The following ADGRL2 variants were observed in gnomAD, a reference collection of about 807,000 sequenced individuals.
ADGRL2 encodes the protein calcium-independent alpha-latrotoxin receptor 2.
ADGRL2 carries 44 observed loss-of-function variants against 157.4 expected under a neutral mutation model. That is an observed-to-expected ratio of 0.28 (90% CI 0.22 to 0.36). The LOEUF is 0.36. Among genes scored for constraint, ADGRL2 ranks in the 10% least tolerant of loss-of-function variants. The pLI, the probability that ADGRL2 is intolerant of heterozygous loss-of-function variation, is 1.00. For missense variants in ADGRL2, 1,510 were observed against 1,768.9 expected, an observed-to-expected ratio of 0.85 and a Z score of 2.63; for synonymous variants, 585 against 624.7, an observed-to-expected ratio of 0.94 and a Z score of 0.95.
chr1:81,798,693 CAAAGAA>C (rs1478016965), upstream of ADGRL2, among the ~76,000 whole-genome samples: 1 of 152,082 alleles, frequency 6.6e-6, no homozygotes, highest in Non-Finnish European at 1.5e-5. Flanking sequence ...TCCTGAGCAT[CAAAGAA>C]TGTCAAATAT....
In ADGRL2 at chr1:81,787,582, G is replaced by A. The variant is rs1391393888; in HGVS notation, c.-101+25730G>A. On this transcript the variant is annotated intron_variant, in intron 2 of 20. Coordinates refer to the ADGRL2 transcript ENST00000359929. ...AGGCAGGAGAATTGCTTGAACCTGGGAGGCGGAGGTTGCAGTGAGCTGGGG... is the reference window on the plus strand; with the variant it reads ...AGGCAGGAGAATTGCTTGAACCTGGAAGGCGGAGGTTGCAGTGAGCTGGGG... Among the ~76,000 whole-genome samples the A allele has an allele frequency of 2.0e-5, 3 of 152,158 alleles. No individual in the cohort carries two copies. In the East Asian group the frequency reaches 5.8e-4, roughly 29 times the overall value.
At chr1:81,987,609 T>C (rs2149509809) in intron 22 of ADGRL2, among the ~76,000 whole-genome samples, 1 of 151,798 alleles carries the variant, frequency 6.6e-6, no homozygotes, top group South Asian at 2.1e-4. Flanking sequence ...CACTAACCCA[T>C]CCATATATTA....
chr1:81,717,267 G>A (rs997183361), intron 1 of ADGRL2, among the ~76,000 whole-genome samples: 2 of 152,102 alleles, frequency 1.3e-5, no homozygotes, highest in African/African-American at 2.4e-5. Flanking sequence ...ATGATTCTCC[G>A]GGTAAGTCCA....
intron 3 of ADGRL2, among the ~76,000 whole-genome samples, chr1:81,616,654 TTTTTCTTTTC>T (rs374350208): frequency 9.6e-5 from 10 of 104,698 alleles, no homozygotes; most frequent in South Asian, 6.6e-4. Context: ...GGGTTTTTTT[TTTTTCTTTTC>T]TTTTCTTTTC....
chr1:81,966,424 A>G lies in ADGRL2; in HGVS notation c.2164A>G (p.Ile722Val), dbSNP rs1009296035. The change falls in exon 13 of 24, where the codon ATC becomes GTC. Residue 722 changes from isoleucine to valine, a missense_variant. This residue lies in a region of ADGRL2 where 497 missense variants were observed against 627.2 expected (regional missense o/e 0.79). Transcript: ENST00000686636. ...SRNGLAKLVF[I>V]IYRSLGQFLS... Reference sequence around the variant, plus strand: ...CCTAGGGCTTGCAAAGTTGGTGTTCATCATTTACCGGAGCCTGGGACAGTT... The same window carrying G: ...CCTAGGGCTTGCAAAGTTGGTGTTCGTCATTTACCGGAGCCTGGGACAGTT... 3.7e-6 allele frequency: 6 copies of G among 1,613,978 alleles called. No individual in the cohort carries two copies. In the South Asian group the frequency reaches 4.4e-5, roughly 12 times the overall value.
intron 1 of ADGRL2, among the ~76,000 whole-genome samples, chr1:81,421,196 A>G (rs2077118083): frequency 6.6e-6 from 1 of 152,228 alleles, no homozygotes; most frequent in African/African-American, 2.4e-5. Flanking sequence ...GAAGAAGAAG[A>G]AAAACAACTG....
intron 10 of ADGRL2, among the ~76,000 whole-genome samples, chr1:81,955,576 C>T (rs1653238688): frequency 6.6e-6 from 1 of 152,120 alleles, no homozygotes; most frequent in Non-Finnish European, 1.5e-5. Context: ...TAAGAGCTGA[C>T]ACAGGTGGTT....
intron 1 of ADGRL2, among the ~76,000 whole-genome samples, chr1:81,820,104 CTTTGTATCATGTTAA>C (rs1231741955): frequency 6.6e-6 from 1 of 152,194 alleles, no homozygotes; most frequent in Non-Finnish European, 1.5e-5. Context: ...ATAGCTGATA[CTTTGTATCATGTTAA>C]TTATGGGTGA....
chr1:81,800,286 C>G (rs1408788963), upstream of ADGRL2: 1 of 152,108 alleles, frequency 6.6e-6, no homozygotes, highest in African/African-American at 2.4e-5. Context: ...AAAATCATCG[C>G]AATTTAAAAA....
At chr1:81,370,108 G>T (rs1375308763) in intron 1 of ADGRL2, among the ~76,000 whole-genome samples, 1 of 151,944 alleles carries the variant, frequency 6.6e-6, no homozygotes, top group Non-Finnish European at 1.5e-5. Context: ...AAACAAAGTG[G>T]TTTGGACACA....
At chr1:81,453,576 C>A (rs1482916747) in intron 2 of ADGRL2, among the ~76,000 whole-genome samples, 1 of 152,160 alleles carries the variant, frequency 6.6e-6, no homozygotes, top group Non-Finnish European at 1.5e-5. Context: ...AACACACCCT[C>A]TCTTAATCTC....
intron 1 of ADGRL2, among the ~76,000 whole-genome samples, chr1:81,324,434 G>C (rs1449603475): frequency 2.6e-5 from 4 of 150,972 alleles, no homozygotes; most frequent in Non-Finnish European, 5.9e-5. Context: ...GTTTGAGCCC[G>C]AGAAGTCGAG....
At chr1:81,585,281 A>T (rs1354575453) in intron 3 of ADGRL2, among the ~76,000 whole-genome samples, 1 of 152,142 alleles carries the variant, frequency 6.6e-6, no homozygotes, top group Non-Finnish European at 1.5e-5. Context: ...ATATGTAATT[A>T]TTTCGTAGTA....
At chr1:81,928,769 C>A (rs1338837794) in intron 3 of ADGRL2, among the ~76,000 whole-genome samples, 1 of 151,992 alleles carries the variant, frequency 6.6e-6, no homozygotes, top group Admixed American at 6.6e-5. Context: ...TCCAGGAAAT[C>A]CTGTGTATGT....
intron 3 of ADGRL2, among the ~76,000 whole-genome samples, chr1:81,600,213 T>C (rs963563539): frequency 1.6e-4 from 24 of 152,320 alleles, no homozygotes; most frequent in Admixed American, 5.9e-4. Flanking sequence ...TAAAGGCACA[T>C]GTGCAAGTAA....
At chr1:81,529,537 C>T (rs1215592678) in intron 2 of ADGRL2, among the ~76,000 whole-genome samples, 11 of 152,124 alleles carry the variant, frequency 7.2e-5, no homozygotes, top group Admixed American at 7.2e-4. Context: ...TCCAACTATG[C>T]CAGGAGCTAT....
intron 2 of ADGRL2, among the ~76,000 whole-genome samples, chr1:81,903,871 T>C (rs541755987): frequency 1.3e-5 from 2 of 149,260 alleles, no homozygotes; most frequent in East Asian, 3.9e-4. Context: ...ATACAGACTT[T>C]AGATAAGAGA....
intron 11 of ADGRL2, among the ~76,000 whole-genome samples, chr1:81,957,415 T>A (rs1275152172): frequency 1.3e-5 from 2 of 152,194 alleles, no homozygotes; most frequent in Admixed American, 6.5e-5. Context: ...AGGATTATTT[T>A]TCGCTGGGCA....
At chr1:81,768,297 C>T (rs1193200796) in intron 2 of ADGRL2, among the ~76,000 whole-genome samples, 1 of 152,084 alleles carries the variant, frequency 6.6e-6, no homozygotes, top group African/African-American at 2.4e-5. Context: ...GTACTCCCAG[C>T]TATCATCTGC....
Sources: gnomAD v4.1 joint callset for allele counts (sites outside exome capture counted in the v4.1 genomes callset) on GRCh38, gnomAD v4.1.1 for gene constraint, gnomAD v4.1.1 regional missense constraint, MANE v1.5 for transcripts, NCBI Gene and HGNC (gene_info 2026-07-23, HGNC 2026-07-21) for gene names.